The following TRABD2B variants were observed in gnomAD, a reference collection of about 807,000 sequenced individuals.
TRABD2B encodes metalloprotease TIKI2.
A neutral mutation model predicts 40.1 loss-of-function variants in TRABD2B; 14 were observed. The ratio of observed to expected loss-of-function variants is 0.35; its 90% CI spans 0.23 to 0.55. The LOEUF is 0.55. TRABD2B is among the 20% of genes least tolerant of loss of function. The probability of loss-of-function intolerance (pLI) is 0.90; values close to 1 mark genes in which losing one functional copy is unlikely to be tolerated. For missense variants in TRABD2B, 541 were observed against 648.6 expected (o/e 0.83, Z 1.80); for synonymous variants, 263 against 277.0 (o/e 0.95, Z 0.50).
chr1:47,814,037 A>T (rs537481977), intron 2 of TRABD2B, among the ~76,000 whole-genome samples: 17 of 152,260 alleles, frequency 1.1e-4, no homozygotes, highest in Non-Finnish European at 2.5e-4. Flanking sequence ...GGGACCACAA[A>T]CAGGATTCCC....
rs116723996 is a variant in TRABD2B, at chr1:47,916,945, G to A, written c.666+77089C>T. Among the ~76,000 whole-genome samples, 1,458 of 152,356 alleles carry A rather than the reference G, an allele frequency of 9.6e-3. 24 individuals carry two copies. Among genetic ancestry groups the A allele is most frequent in the African/African-American group, 0.033 (1,388 of 41,586 alleles). ...GCCAAAGCACTGTACACAGTTTAAC[G>A]TTTGCACTTAAAACTGTTCTATGAA... On this transcript the variant is annotated intron_variant, in intron 2 of 6. Coordinates refer to ENST00000606738, the MANE Select transcript of TRABD2B (RefSeq NM_001194986.2).
intron 2 of TRABD2B, among the ~76,000 whole-genome samples, chr1:47,826,146 T>G (rs1185940789): frequency 6.6e-6 from 1 of 152,194 alleles, no homozygotes; most frequent in Non-Finnish European, 1.5e-5. Flanking sequence ...GGGACTGTGG[T>G]GAGCTCCATC....
chr1:47,854,032 C>A (rs779860438), intron 2 of TRABD2B, among the ~76,000 whole-genome samples: 2 of 152,212 alleles, frequency 1.3e-5, no homozygotes, highest in Non-Finnish European at 2.9e-5. Flanking sequence ...TCATTCTGGC[C>A]TATCTCCCAC....
At chr1:47,831,376 A>C (rs570941919) in intron 2 of TRABD2B, among the ~76,000 whole-genome samples, 1 of 152,326 alleles carries the variant, frequency 6.6e-6, no homozygotes, top group East Asian at 1.9e-4. Flanking sequence ...GAATGGATTT[A>C]AAATACACTC....
At chr1:47,809,533 T>G (rs1644935823) in intron 2 of TRABD2B, among the ~76,000 whole-genome samples, 1 of 152,078 alleles carries the variant, frequency 6.6e-6, no homozygotes, top group Non-Finnish European at 1.5e-5. Flanking sequence ...TGGGTAGGGG[T>G]GGAGGACAGC....
chr1:47,879,559 G>T (rs1340210), intron 2 of TRABD2B, among the ~76,000 whole-genome samples: 45,882 of 151,950 alleles, frequency 0.3, 7,026 homozygotes, highest in East Asian at 0.46. Flanking sequence ...CATCTAACGC[G>T]TATGCGTGTC....
intron 2 of TRABD2B, among the ~76,000 whole-genome samples, chr1:47,983,658 T>C (rs1308146194): frequency 2.6e-5 from 4 of 151,482 alleles, no homozygotes; most frequent in African/African-American, 7.3e-5. Flanking sequence ...CAGTGGATGC[T>C]GGAGCCACCC....
intron 2 of TRABD2B, among the ~76,000 whole-genome samples, chr1:47,850,652 G>T (rs1645537044): frequency 6.6e-6 from 1 of 152,186 alleles, no homozygotes; most frequent in Non-Finnish European, 1.5e-5. Flanking sequence ...GATTTGGCCT[G>T]GACCAAGGGG....
rs1031555615 is a variant in TRABD2B, at chr1:47,809,059, T to C, written c.667-7440A>G. ...ACGAAACCTTGCTCCCTGCCCAGGA[T>C]CCCCTCCTCTGCACGTCCTCTGTCT... On this transcript the variant is annotated intron_variant, in intron 2 of 6. Transcript: ENST00000606738. Among the ~76,000 whole-genome samples the C allele has an allele frequency of 7.2e-5, 11 of 152,020 alleles. No individual in the cohort carries two copies. The South Asian group carries it at 8.3e-4, about 12-fold the overall frequency.
chr1:47,920,113 A>G (rs1012692670), intron 2 of TRABD2B, among the ~76,000 whole-genome samples: 1 of 152,224 alleles, frequency 6.6e-6, no homozygotes, highest in Non-Finnish European at 1.5e-5. Context: ...GAGACTCATT[A>G]TGGCACCTGT....
chr1:47,846,628 T>C (rs1421187069), intron 2 of TRABD2B, among the ~76,000 whole-genome samples: 6 of 152,130 alleles, frequency 3.9e-5, no homozygotes, highest in Admixed American at 3.9e-4. Flanking sequence ...GCAAGGCATC[T>C]GGTCAATTCA....
At chr1:47,863,393 T>TAA (rs1182885794) in intron 2 of TRABD2B, among the ~76,000 whole-genome samples, 2 of 135,696 alleles carry the variant, frequency 1.5e-5, no homozygotes, top group African/African-American at 2.7e-5. Context: ...TATATATATA[T>TAA]AATCTCTTAA....
intron 2 of TRABD2B, among the ~76,000 whole-genome samples, chr1:47,906,684 G>A (rs1046276634): frequency 5.9e-5 from 9 of 152,236 alleles, no homozygotes; most frequent in African/African-American, 1.2e-4. Flanking sequence ...CCACACCACA[G>A]GAAAAGCTGG....
intron 2 of TRABD2B, among the ~76,000 whole-genome samples, chr1:47,943,145 G>C (rs571440985): frequency 6.6e-6 from 1 of 152,316 alleles, no homozygotes; most frequent in East Asian, 1.9e-4. Flanking sequence ...GGTTACTCCA[G>C]AACGGGGTTC....
intron 2 of TRABD2B, among the ~76,000 whole-genome samples, chr1:47,815,517 G>A (rs1019579601): frequency 6.6e-6 from 1 of 152,140 alleles, no homozygotes; most frequent in Admixed American, 6.5e-5. Flanking sequence ...TGCCACCAGG[G>A]ACCCACCAGG....
chr1:47,975,368 A>G (rs1645741276), intron 2 of TRABD2B, among the ~76,000 whole-genome samples: 1 of 152,206 alleles, frequency 6.6e-6, no homozygotes, highest in Non-Finnish European at 1.5e-5. Context: ...ATATATTTTC[A>G]GGTCTTTTTG....
At chr1:47,912,070 T>A (rs12075083) in intron 2 of TRABD2B, among the ~76,000 whole-genome samples, 13,254 of 152,212 alleles carry the variant, frequency 0.087, 635 homozygotes, top group African/African-American at 0.095. Flanking sequence ...ATTCTTTGCA[T>A]CTCTTGGAGG....
At chr1:47,984,379 AC>A (rs2148448060) in intron 2 of TRABD2B, among the ~76,000 whole-genome samples, 1 of 152,320 alleles carries the variant, frequency 6.6e-6, no homozygotes, top group Non-Finnish European at 1.5e-5. Flanking sequence ...CTTTTAGGAA[AC>A]GTGCACTTGC....
At chr1:47,781,443 C>A (rs892434140) in intron 4 of TRABD2B, among the ~76,000 whole-genome samples, 1 of 152,198 alleles carries the variant, frequency 6.6e-6, no homozygotes, top group African/African-American at 2.4e-5. Context: ...GGCCTCAGCC[C>A]GGCCGATGGT....
Sources: allele counts gnomAD v4.1 joint callset (sites outside exome capture counted in the v4.1 genomes callset), GRCh38; gene constraint gnomAD v4.1.1; transcripts MANE v1.5; gene names NCBI Gene and HGNC (gene_info 2026-07-23, HGNC 2026-07-21).